TMEM94: variants seen among roughly 807,000 people sequenced by gnomAD.
TMEM94 encodes ER Mg2+ ATPase.
In TMEM94, 81 loss-of-function variants were observed where a neutral mutation model predicts 158.6. The observed-to-expected ratio is 0.51, with a 90% CI of 0.43 to 0.61. TMEM94 has a LOEUF of 0.61. Among genes scored for constraint, TMEM94 ranks in the 20% least tolerant of loss-of-function variants. The pLI, the probability that TMEM94 is intolerant of heterozygous loss-of-function variation, is 0.00. For missense variants in TMEM94, 1,435 were observed against 1,762.0 expected, an observed-to-expected ratio of 0.81 and a Z score of 3.32; for synonymous variants, 751 against 730.7, an observed-to-expected ratio of 1.03 and a Z score of -0.45.
At chr17:75,483,466 T>TC (rs1490229036) in intron 2 of TMEM94, among the ~76,000 whole-genome samples, 1 of 150,104 alleles carries the variant, frequency 6.7e-6, no homozygotes, top group African/African-American at 2.4e-5. Context: ...TTCTTTTCTT[T>TC]TTTTTTTTTT....
At chr17:75,457,380 AC>A (rs2049926436) in intron 1 of TMEM94, 1 of 151,844 alleles carries the variant, frequency 6.6e-6, no homozygotes, top group South Asian at 2.1e-4. Context: ...TGTACCGCAC[AC>A]CCCTGGAGCC....
Position 75,495,232 on chromosome 17 carries a change from A to G in TMEM94, c.2729-52A>G. On this transcript the variant is annotated intron_variant, in intron 20 of 31. Coordinates refer to ENST00000314256, the MANE Select transcript of TMEM94 (RefSeq NM_014738.6). This position sits in a 1 kb window ranked among gnomAD's most constrained non-coding sequence, Gnocchi z 5.6. The stretch of plus-strand genomic sequence containing the variant: ...AAAAAATTCTCTGCAGGGCAAGGAC[A>G]GGTTCCCAGAAGGCTGGTCCCAAGG... 6.8e-7 allele frequency: 1 copy of G among 1,475,796 alleles called. No individual in the cohort carries two copies. Among genetic ancestry groups the G allele is most frequent in the Non-Finnish European group, 9.3e-7 (1 of 1,077,714 alleles). 91.4% of individuals were successfully genotyped at this position (1,475,796 alleles called of 1,614,324 possible).
At chr17:75,462,256 C>T (rs986592863) in intron 1 of TMEM94, among the ~76,000 whole-genome samples, 15 of 151,680 alleles carry the variant, frequency 9.9e-5, no homozygotes, top group Admixed American at 2.6e-4. Flanking sequence ...CGTGATCTGC[C>T]GGTCTCGATC....
intron 1 of TMEM94, among the ~76,000 whole-genome samples, chr17:75,467,866 T>C (rs1364096622): frequency 6.6e-6 from 1 of 152,264 alleles, no homozygotes; most frequent in Admixed American, 6.5e-5. Context: ...TTTTGAGTCC[T>C]TATTCTTCAC....
At chr17:75,467,124 A>C (rs1053754796) in intron 1 of TMEM94, among the ~76,000 whole-genome samples, 6 of 151,172 alleles carry the variant, frequency 4.0e-5, no homozygotes, top group Non-Finnish European at 5.9e-5. Context: ...ACAGGCACCC[A>C]AAACCACGCC....
At chr17:75,467,520 C>CTTTTTTTTTTTTT (rs947595391) in intron 1 of TMEM94, among the ~76,000 whole-genome samples, 4 of 99,146 alleles carry the variant, frequency 4.0e-5, no homozygotes, top group African/African-American at 4.1e-5. Context: ...ATTTCTTTTT[C>CTTTTTTTTTTTTT]TTTTTTTTTT....
intron 2 of TMEM94, chr17:75,476,865 G>T (rs2050718947): frequency 2.8e-6 from 4 of 1,422,914 alleles, no homozygotes; most frequent in East Asian, 5.0e-5. Flanking sequence ...ATGGGAGGCT[G>T]CTTGAATGAG....
At position 75,485,645 on chromosome 17, in the gene TMEM94, C is replaced by A; in HGVS notation, c.144+98C>A. The A allele has an allele frequency of 6.6e-7, 1 of 1,522,944 alleles. No homozygotes were observed. The highest frequency in any genetic ancestry group is 9.0e-7 in the Non-Finnish European group (1 of 1,109,872). The allele number at this position is 1,522,944 out of a possible 1,614,324, so 94.3% of individuals were successfully genotyped here. ...CTCTGATGTACCCTGTCACCCTGGA[C>A]AGTGTGACCCAACTGAGGCCTCATG... On this transcript the variant is annotated intron_variant, in intron 3 of 31. Coordinates refer to ENST00000314256, the MANE Select transcript of TMEM94 (RefSeq NM_014738.6). This position sits in a 1 kb window ranked among gnomAD's most constrained non-coding sequence, Gnocchi z 5.5.
rs1598356687 is a variant in TMEM94 at position 75,479,486 on chromosome 17, A to T, written c.25-5942A>T. On this transcript the variant is annotated intron_variant, in intron 2 of 31. Transcript: ENST00000314256. The stretch of plus-strand genomic sequence containing the variant: ...AGGTGCCCGCCACCATGCCCAGCTA[A>T]TTTTTGTATTTTTAATAGAGACAGG... 2.0e-5 allele frequency among the ~76,000 whole-genome samples: 3 copies of T among 148,220 alleles called. No individual in the cohort carries two copies. The East Asian group carries it at 6.7e-4, about 33-fold the overall frequency.
intron 1 of TMEM94, among the ~76,000 whole-genome samples, chr17:75,463,342 G>A (rs2050181699): frequency 1.3e-5 from 2 of 151,216 alleles, no homozygotes; most frequent in Admixed American, 6.6e-5. Flanking sequence ...AGCCCTGCTT[G>A]CACCCAAAGT....
intron 1 of TMEM94, 23 bp from the exon 2 acceptor site, chr17:75,471,777 A>T: frequency 1.1e-6 from 1 of 906,048 alleles, no homozygotes; most frequent in Non-Finnish European, 1.8e-6. Flanking sequence ...AACCTGAGTG[A>T]TTTCTTTCTT....
chr17:75,477,830 G>A (rs1598347208), intron 2 of TMEM94, among the ~76,000 whole-genome samples: 1 of 150,850 alleles, frequency 6.6e-6, no homozygotes, highest in South Asian at 2.1e-4. Flanking sequence ...CCAACATAGT[G>A]AAACCCTCTC....
At chr17:75,480,005 G>A (rs2051033368) in intron 2 of TMEM94, among the ~76,000 whole-genome samples, 1 of 151,802 alleles carries the variant, frequency 6.6e-6, no homozygotes. Flanking sequence ...AGAATTGCTT[G>A]AGCCCCAGAG....
rs748943433 is a variant in TMEM94 at position 75,491,701 on chromosome 17, G to T, written c.1397G>T (p.Arg466Leu). ...RSFCHPEPHE[R>L]DALLAGSLNN... Reference sequence around the variant, plus strand: ...CCTCATTCTCTTCAGCCCCATGAACGAGACGCCCTCCTGGCTGGCTCCCTG... The same window carrying T: ...CCTCATTCTCTTCAGCCCCATGAACTAGACGCCCTCCTGGCTGGCTCCCTG... Residue 466 changes from arginine (R) to leucine (L), a missense_variant, in exon 14 of 32, where the codon CGA becomes CTA. By Grantham distance (102) the Arg-to-Leu change is moderately radical. Around this residue, in one of 3 missense-constraint regions of TMEM94, gnomAD observed 1,051 missense variants for 1,254.4 expected, o/e 0.84. Transcript: ENST00000314256. The surrounding 1 kb of genome is among the most constrained non-coding windows in gnomAD (Gnocchi z 5.1). 1 of 1,614,032 alleles carries T rather than the reference G, an allele frequency of 6.2e-7. No individual in the cohort carries two copies. Among genetic ancestry groups the T allele is most frequent in the Non-Finnish European group, 8.5e-7 (1 of 1,180,018 alleles).
chr17:75,490,541 G>A (rs1460422022), intron 10 of TMEM94, among the ~76,000 whole-genome samples, 161 bp from the exon 11 acceptor site: 2 of 152,226 alleles, frequency 1.3e-5, no homozygotes, highest in Admixed American at 6.5e-5. Flanking sequence ...GTGAGTGAGC[G>A]TCTGCCCTGG....
chr17:75,463,463 C>T (rs914124732), intron 1 of TMEM94, among the ~76,000 whole-genome samples: 4 of 151,952 alleles, frequency 2.6e-5, no homozygotes, highest in Admixed American at 6.6e-5. Flanking sequence ...TTGTTAGTGT[C>T]CTTCTTAAAG....
rs1358745551 is a variant in TMEM94 at position 75,492,770 on chromosome 17, C to T, written c.1893C>T (p.Cys631=). Reference sequence around the variant, plus strand: ...CCGTCCATGTGCCCTGGGGCCTCTGCGAGCTTGCCCGCCTCATTGGTACAG... The same window carrying T: ...CCGTCCATGTGCCCTGGGGCCTCTGTGAGCTTGCCCGCCTCATTGGTACAG... The part of the protein sequence containing the change: ...VLPVHVPWGL[C]ELARLIGFTP... Residue 631 remains cysteine (C), a synonymous_variant, in exon 15 of 32, where the codon TGC becomes TGT. Coordinates refer to ENST00000314256, the MANE Select transcript of TMEM94 (RefSeq NM_014738.6). This position sits in a 1 kb window ranked among gnomAD's most constrained non-coding sequence, Gnocchi z 4.4. 5 of 1,606,036 alleles carry T rather than the reference C, an allele frequency of 3.1e-6. No homozygotes were observed. The highest frequency in any genetic ancestry group is 4.5e-5 in the East Asian group (2 of 44,868).
chr17:75,469,597 G>A (rs1373735832), intron 1 of TMEM94, among the ~76,000 whole-genome samples: 2 of 143,080 alleles, frequency 1.4e-5, no homozygotes, highest in Non-Finnish European at 3.0e-5. Context: ...TGCCTGCCTC[G>A]GCCTCCCAAA....
At chr17:75,478,675 C>T (rs1294714714) in intron 2 of TMEM94, among the ~76,000 whole-genome samples, 1 of 152,212 alleles carries the variant, frequency 6.6e-6, no homozygotes. Flanking sequence ...CGTTTGTTGC[C>T]TGCCTCTCCC....
Sources: gnomAD v4.1 joint callset for allele counts (sites outside exome capture counted in the v4.1 genomes callset) on GRCh38, gnomAD v4.1.1 for gene constraint, gnomAD v4.1.1 regional missense constraint, Gnocchi (gnomAD v3.1) non-coding constraint, MANE v1.5 for transcripts, NCBI Gene and HGNC (gene_info 2026-07-23, HGNC 2026-07-21) for gene names.